The following MSRB3 variants were observed in gnomAD, a reference collection of about 807,000 sequenced individuals.
MSRB3 encodes the protein methionine-R-sulfoxide reductase B3.
In MSRB3, 13 loss-of-function variants were observed where a neutral mutation model predicts 21.0. That is an observed-to-expected ratio of 0.62 (90% CI 0.40 to 0.98). The LOEUF (loss-of-function observed/expected upper bound fraction) is 0.98, where lower values mean the gene tolerates loss of function less well. MSRB3 is among the 50% of genes least tolerant of loss of function. The pLI is 0.00. For synonymous variants in MSRB3, 87 were observed against 88.6 expected (o/e 0.98, Z 0.10); for missense variants, 199 against 230.3 (o/e 0.86, Z 0.88).
intron 3 of MSRB3, 82 bp from the exon 4 acceptor site, chr12:65,328,444 T>C (rs547108099): frequency 1.0e-6 from 1 of 987,486 alleles, no homozygotes; most frequent in East Asian, 2.5e-5. Flanking sequence ...AAAGATTTAT[T>C]AGAGAAATAT....
intron 4 of MSRB3, among the ~76,000 whole-genome samples, chr12:65,333,864 A>G (rs563925300): frequency 2.0e-5 from 3 of 152,262 alleles, no homozygotes; most frequent in Admixed American, 6.5e-5. Flanking sequence ...GCCCCGGCAC[A>G]TAATAATCAC....
At chr12:65,370,931 T>A (rs1418802218) in intron 5 of MSRB3, among the ~76,000 whole-genome samples, 1 of 152,256 alleles carries the variant, frequency 6.6e-6, no homozygotes, top group Non-Finnish European at 1.5e-5. Flanking sequence ...GGAATTATTT[T>A]TTCTTATAAG....
chr12:65,293,835 T>C (rs1286951394), intron 1 of MSRB3, among the ~76,000 whole-genome samples: 1 of 152,136 alleles, frequency 6.6e-6, no homozygotes, highest in Non-Finnish European at 1.5e-5. Context: ...CATGCCCATT[T>C]TGGGGAATGA....
At chr12:65,453,599 T>C (rs1031411092) in intron 5 of MSRB3, 129 bp from the exon 6 acceptor site, 1 of 759,504 alleles carries the variant, frequency 1.3e-6, no homozygotes, top group African/African-American at 1.7e-5. Context: ...CCTTTCTTTT[T>C]TCAGGTTGAA....
chr12:65,341,417 TGGG>T (rs1876132468), intron 4 of MSRB3, among the ~76,000 whole-genome samples: 1 of 151,608 alleles, frequency 6.6e-6, no homozygotes, highest in South Asian at 2.1e-4. Context: ...CTGGAACAGT[TGGG>T]GGGAAGGGAG....
intron 2 of MSRB3, among the ~76,000 whole-genome samples, chr12:65,319,684 A>T (rs749599410): frequency 1.6e-4 from 24 of 152,336 alleles, no homozygotes; most frequent in Admixed American, 7.2e-4. Context: ...ATGTTTAATA[A>T]ATAGTTGTAG....
Position 65,363,994 on chromosome 12 carries a change from A to G in MSRB3, c.264-5004A>G, listed in dbSNP as rs1020460044. ...GTCTTAAAAACACACAAACAAACAA[A>G]CACAAAAAACAAAATAACAGTTGGA... On this transcript the variant is annotated intron_variant, in intron 4 of 6. Coordinates refer to ENST00000308259, the MANE Select transcript of MSRB3 (RefSeq NM_001031679.3). 1.3e-5 allele frequency among the ~76,000 whole-genome samples: 2 copies of G among 152,194 alleles called. 1 individual carries two copies. The highest frequency in any genetic ancestry group is 1.3e-4 in the Admixed American group (2 of 15,284).
chr12:65,385,215 G>A (rs887310957), intron 5 of MSRB3, among the ~76,000 whole-genome samples: 3 of 152,054 alleles, frequency 2.0e-5, no homozygotes, highest in Non-Finnish European at 4.4e-5. Flanking sequence ...AGAAGGAGGA[G>A]GATGGATAAG....
chr12:65,401,012 G>A (rs1419641736), intron 5 of MSRB3, among the ~76,000 whole-genome samples: 2 of 152,174 alleles, frequency 1.3e-5, no homozygotes, highest in Non-Finnish European at 2.9e-5. Context: ...CATTTGCTGA[G>A]GAGTGTTTTA....
At chr12:65,358,516 C>T (rs1877518634) in intron 4 of MSRB3, among the ~76,000 whole-genome samples, 1 of 151,752 alleles carries the variant, frequency 6.6e-6, no homozygotes, top group South Asian at 2.1e-4. Flanking sequence ...CTCCTTTGTC[C>T]CTTTGATGTA....
chr12:65,417,999 T>C (rs1565882429), intron 5 of MSRB3, among the ~76,000 whole-genome samples: 4 of 152,318 alleles, frequency 2.6e-5, no homozygotes, highest in South Asian at 2.1e-4. Context: ...ATGTACTCAG[T>C]AGTGGGTTGC....
At chr12:65,317,037 G>A (rs1874344050) in intron 2 of MSRB3, among the ~76,000 whole-genome samples, 1 of 152,136 alleles carries the variant, frequency 6.6e-6, no homozygotes, top group African/African-American at 2.4e-5. Flanking sequence ...GAGAGAAACA[G>A]AATGGACAAA....
At chr12:65,331,968 C>T (rs1875451818) in intron 4 of MSRB3, among the ~76,000 whole-genome samples, 1 of 152,150 alleles carries the variant, frequency 6.6e-6, no homozygotes, top group African/African-American at 2.4e-5. Context: ...CATCCTGAAA[C>T]CAGAAAGGAA....
At position 65,367,266 on chromosome 12, in the gene MSRB3, C is replaced by T. The variant is rs980442320; in HGVS notation, c.264-1732C>T. Among the ~76,000 whole-genome samples, 5 of 152,058 alleles carry T rather than the reference C, an allele frequency of 3.3e-5. 1 individual carries two copies. Among genetic ancestry groups the T allele is most frequent in the Non-Finnish European group, 4.4e-5 (3 of 68,010 alleles). Reference sequence around the variant, plus strand: ...AAGCAAGGCACAGATTTGAAGGAGGCCTTTAAAAACAATTCTGGAGCACTT... The same window carrying T: ...AAGCAAGGCACAGATTTGAAGGAGGTCTTTAAAAACAATTCTGGAGCACTT... On this transcript the variant is annotated intron_variant, in intron 4 of 6. Transcript: ENST00000308259.
chr12:65,353,147 A>T lies in MSRB3; in HGVS notation c.264-15851A>T, dbSNP rs146968221. Among the ~76,000 whole-genome samples, 963 of 152,224 alleles carry T rather than the reference A, an allele frequency of 6.3e-3. 7 individuals are homozygous for T. The highest frequency in any genetic ancestry group is 0.022 in the African/African-American group (895 of 41,524). ...GGTGAGGAGTGCTTTGCTTCCAACT[A>T]TGTGGTCAGTTTTGGAATAGGCGTG... is the stretch of plus-strand genomic sequence containing the variant. On this transcript the variant is annotated intron_variant, in intron 4 of 6. Coordinates refer to ENST00000308259, the MANE Select transcript of MSRB3 (RefSeq NM_001031679.3).
intron 4 of MSRB3, among the ~76,000 whole-genome samples, chr12:65,343,860 CTAATTTTCTG>C (rs1165386020): frequency 6.6e-6 from 1 of 151,928 alleles, no homozygotes; most frequent in Non-Finnish European, 1.5e-5. Flanking sequence ...TTAATTGGTG[CTAATTTTCTG>C]ATAATGGCCA....
chr12:65,313,958 A>G (rs553897338), intron 2 of MSRB3, among the ~76,000 whole-genome samples: 1 of 152,332 alleles, frequency 6.6e-6, no homozygotes, highest in East Asian at 1.9e-4. Context: ...ATATTAGCAC[A>G]TAGGTGCATT....
intron 5 of MSRB3, chr12:65,419,009 C>T: frequency 1.4e-6 from 1 of 713,676 alleles, no homozygotes. Flanking sequence ...TTGAGTTGCT[C>T]CATCTGCAGG....
chr12:65,337,349 G>A (rs1012291223), intron 4 of MSRB3, among the ~76,000 whole-genome samples: 3 of 147,054 alleles, frequency 2.0e-5, no homozygotes, highest in Non-Finnish European at 3.0e-5. Flanking sequence ...CAGGAGAATC[G>A]CTTGAACCCG....
Sources: allele counts gnomAD v4.1 joint callset (sites outside exome capture counted in the v4.1 genomes callset), GRCh38; gene constraint gnomAD v4.1.1; transcripts MANE v1.5; gene names NCBI Gene and HGNC (gene_info 2026-07-23, HGNC 2026-07-21).